Variants in MBNL2 observed in about 807,000 individuals in gnomAD.
MBNL2 encodes muscleblind-like protein 2.
MBNL2 carries 17 observed loss-of-function variants against 41.9 expected under a neutral mutation model. The ratio of observed to expected loss-of-function variants is 0.41; its 90% confidence interval spans 0.28 to 0.61. The LOEUF is 0.61. Ranked by LOEUF, MBNL2 falls within the 20% of genes least tolerant of loss-of-function variation. MBNL2 has a pLI of 0.35. For synonymous variants in MBNL2, 195 were observed against 182.9 expected (o/e 1.07, Z -0.53); for missense variants, 336 against 505.6 (o/e 0.66, Z 3.22).
At chr13:97,325,102 A>G (rs2153046834) in intron 2 of MBNL2, among the ~76,000 whole-genome samples, 1 of 152,298 alleles carries the variant, frequency 6.6e-6, no homozygotes, top group Admixed American at 6.5e-5. Context: ...GGTTTCATGT[A>G]AGGTTGATAT....
intron 3 of MBNL2, among the ~76,000 whole-genome samples, chr13:97,338,890 G>A (rs185515056): frequency 6.6e-6 from 1 of 152,254 alleles, no homozygotes; most frequent in East Asian, 1.9e-4. Flanking sequence ...CGGCATTCTC[G>A]CCTACTGACT....
At chr13:97,369,589 A>G (rs2064170563) in intron 8 of MBNL2, among the ~76,000 whole-genome samples, 1 of 152,216 alleles carries the variant, frequency 6.6e-6, no homozygotes, top group South Asian at 2.1e-4. Context: ...AATATTTAAA[A>G]TCTCACAGGC....
At chr13:97,272,954 CA>C (rs2051381974) in intron 1 of MBNL2, among the ~76,000 whole-genome samples, 1 of 152,028 alleles carries the variant, frequency 6.6e-6, no homozygotes, top group South Asian at 2.1e-4. Context: ...ATATTTCTTC[CA>C]GGGGGAATGA....
intron 1 of MBNL2, among the ~76,000 whole-genome samples, chr13:97,271,451 AAAAC>A (rs200599190): frequency 0.025 from 3,764 of 151,778 alleles, 137 homozygotes; most frequent in African/African-American, 0.078. Flanking sequence ...TTTCTAAAAA[AAAAC>A]AAACAAAAAA....
intron 8 of MBNL2, 129 bp from the exon 9 acceptor site, chr13:97,391,193 G>GC: frequency 1.6e-6 from 1 of 607,414 alleles, no homozygotes; most frequent in Non-Finnish European, 2.9e-6. Context: ...ATTTATAATT[G>GC]CATCAAAATA....
At chr13:97,229,332 G>T (rs1215792728) in intron 1 of MBNL2, among the ~76,000 whole-genome samples, 1 of 151,840 alleles carries the variant, frequency 6.6e-6, no homozygotes, top group Non-Finnish European at 1.5e-5. Context: ...TATTTGGTCT[G>T]GATCCATGTC....
chr13:97,167,399 A>G, the MBNL2 span, among the ~76,000 whole-genome samples: 2 of 152,198 alleles, frequency 1.3e-5, no homozygotes, highest in East Asian at 1.9e-4. Flanking sequence ...TAAAAAAAAA[A>G]AAAGAAAAAA....
intron 8 of MBNL2, among the ~76,000 whole-genome samples, chr13:97,373,456 TTC>T (rs1016868877): frequency 6.6e-6 from 1 of 150,930 alleles, no homozygotes; most frequent in Non-Finnish European, 1.5e-5. Flanking sequence ...CCTGCACAAT[TTC>T]TTTGTGTAAA....
chr13:97,348,240 T>G (rs1229664362), intron 5 of MBNL2, among the ~76,000 whole-genome samples: 2 of 151,928 alleles, frequency 1.3e-5, no homozygotes, highest in African/African-American at 4.8e-5. Flanking sequence ...TAATTTTTTT[T>G]GTAGAGACAG....
chr13:97,173,541 A>T, the MBNL2 span, among the ~76,000 whole-genome samples: 2 of 152,118 alleles, frequency 1.3e-5, no homozygotes, highest in Non-Finnish European at 2.9e-5. Context: ...CATCATTTCC[A>T]CTTGCCTGCC....
intron 8 of MBNL2, among the ~76,000 whole-genome samples, chr13:97,369,816 T>G (rs2064193175): frequency 6.6e-6 from 1 of 152,192 alleles, no homozygotes. Context: ...AATCCAAATA[T>G]GTTTGGGAAA....
the MBNL2 span, among the ~76,000 whole-genome samples, chr13:97,189,598 A>G: frequency 6.6e-6 from 1 of 152,242 alleles, no homozygotes; most frequent in African/African-American, 2.4e-5. Context: ...ATTCCTGTAT[A>G]TATGCATGCA....
At chr13:97,190,067 G>A in the MBNL2 span, among the ~76,000 whole-genome samples, 1 of 152,194 alleles carries the variant, frequency 6.6e-6, no homozygotes, top group South Asian at 2.1e-4. Context: ...GTGGGGCTCG[G>A]GCCACCTGCC....
chr13:97,393,659 A>G lies in MBNL2; in HGVS notation c.*2210A>G, dbSNP rs1464431152. ...AACAGATTTTGCTTTTTATTTATTTATAATGTAATTTTATAGAATAATTCT... is the reference window on the plus strand; with the variant it reads ...AACAGATTTTGCTTTTTATTTATTTGTAATGTAATTTTATAGAATAATTCT... On this transcript the variant is annotated 3_prime_UTR_variant, in exon 9 of 9. Coordinates refer to ENST00000679496, the MANE Select transcript of MBNL2 (RefSeq NM_001382683.1). 6.6e-6 allele frequency: 1 copy of G among 152,524 alleles called. No homozygotes were observed. Among genetic ancestry groups the G allele is most frequent in the Non-Finnish European group, 1.5e-5 (1 of 67,960 alleles). The allele number at this position is 152,524 out of a possible 1,614,324, so 9.4% of individuals were successfully genotyped here.
intron 2 of MBNL2, among the ~76,000 whole-genome samples, chr13:97,279,000 A>C (rs575673759): frequency 6.6e-6 from 1 of 152,358 alleles, no homozygotes; most frequent in East Asian, 1.9e-4. Context: ...GGCTGAAGTA[A>C]GCACGGTCTG....
At chr13:97,292,665 G>T (rs2056358273) in intron 2 of MBNL2, among the ~76,000 whole-genome samples, 1 of 151,476 alleles carries the variant, frequency 6.6e-6, no homozygotes, top group African/African-American at 2.4e-5. Flanking sequence ...AGAAAGTGTT[G>T]TCGATATCCA....
intron 5 of MBNL2, among the ~76,000 whole-genome samples, chr13:97,353,315 T>C (rs2062672654): frequency 6.6e-6 from 1 of 152,238 alleles, no homozygotes; most frequent in South Asian, 2.1e-4. Context: ...GAGAGGCTCA[T>C]TTGAAACCAG....
chr13:97,203,092 G>A, the MBNL2 span, among the ~76,000 whole-genome samples: 1 of 152,130 alleles, frequency 6.6e-6, no homozygotes, highest in Non-Finnish European at 1.5e-5. Flanking sequence ...ACCGACAAGG[G>A]CTGTGCTGGA....
chr13:97,290,207 CTAAT>C (rs2055548285), intron 2 of MBNL2, among the ~76,000 whole-genome samples: 1 of 152,060 alleles, frequency 6.6e-6, no homozygotes, highest in Non-Finnish European at 1.5e-5. Context: ...AGTAAACAAA[CTAAT>C]AAAATAATCA....
Sources: gnomAD v4.1 joint callset for allele counts (sites outside exome capture counted in the v4.1 genomes callset) on GRCh38, gnomAD v4.1.1 for gene constraint, MANE v1.5 for transcripts, NCBI Gene and HGNC (gene_info 2026-07-23, HGNC 2026-07-21) for gene names.